The following CDH4 variants were observed in gnomAD, a reference collection of about 807,000 sequenced individuals.
The protein encoded by CDH4 is cadherin 4, also known as cadherin-4.
A neutral mutation model predicts 86.0 loss-of-function variants in CDH4; 33 were observed. The ratio of observed to expected loss-of-function variants is 0.38; its 90% CI spans 0.29 to 0.51. CDH4 has a LOEUF of 0.51. Ranked by LOEUF, CDH4 falls within the 20% of genes least tolerant of loss-of-function variation. The pLI, the probability that CDH4 is intolerant of heterozygous loss-of-function variation, is 0.86. For synonymous variants in CDH4, 555 were observed against 549.4 expected (o/e 1.01, Z -0.14); for missense variants, 1,114 against 1,307.4 (o/e 0.85, Z 2.28).
intron 2 of CDH4, among the ~76,000 whole-genome samples, chr20:61,301,726 C>G (rs2084387292): frequency 6.6e-6 from 1 of 152,136 alleles, no homozygotes; most frequent in African/African-American, 2.4e-5. Flanking sequence ...AGTGGGGAGA[C>G]AGGAAGCCTG....
chr20:61,624,480 C>T (rs1481504576), intron 2 of CDH4, among the ~76,000 whole-genome samples: 1 of 152,188 alleles, frequency 6.6e-6, no homozygotes, highest in Non-Finnish European at 1.5e-5. Flanking sequence ...GGCTTTCTCC[C>T]TTCCCCAGCT....
chr20:61,382,893 A>G (rs979975998), intron 2 of CDH4, among the ~76,000 whole-genome samples: 12 of 151,880 alleles, frequency 7.9e-5, no homozygotes, highest in East Asian at 3.9e-4. Context: ...TTTCCAAATA[A>G]GCTCACATTT....
intron 4 of CDH4, among the ~76,000 whole-genome samples, chr20:61,786,432 T>G (rs1425504926): frequency 6.6e-6 from 1 of 152,114 alleles, no homozygotes; most frequent in Non-Finnish European, 1.5e-5. Context: ...CAGAGGGATG[T>G]GAAGAAAGCA....
In CDH4 at chr20:61,392,345, C is replaced by T. The variant is rs2084991283; in HGVS notation, c.169+137408C>T. 6.6e-6 allele frequency among the ~76,000 whole-genome samples: 1 copy of T among 152,152 alleles called. No individual in the cohort carries two copies. Among genetic ancestry groups the T allele is most frequent in the Admixed American group, 6.5e-5 (1 of 15,276 alleles). On this transcript the variant is annotated intron_variant, in intron 2 of 15. Coordinates refer to ENST00000614565, the MANE Select transcript of CDH4 (RefSeq NM_001794.5). The surrounding 1 kb of genome is among the most constrained non-coding windows in gnomAD (Gnocchi z 5.7). ...GGAAGCAGAGGCTCCCCTGCGATTC[C>T]GCTCGGAGTCCCACGCTGCTCAGTA...
intron 2 of CDH4, among the ~76,000 whole-genome samples, chr20:61,558,945 C>A (rs907177735): frequency 6.6e-6 from 1 of 152,232 alleles, no homozygotes; most frequent in Non-Finnish European, 1.5e-5. Flanking sequence ...TGATGAATCA[C>A]CAGCTGTGCT....
intron 2 of CDH4, among the ~76,000 whole-genome samples, chr20:61,498,405 G>C (rs114156306): frequency 1.3e-5 from 2 of 152,190 alleles, no homozygotes; most frequent in African/African-American, 4.8e-5. Context: ...TAGTGTAATC[G>C]ATAATGCTAT....
chr20:61,505,131 G>A (rs114227773), intron 2 of CDH4, among the ~76,000 whole-genome samples: 121 of 152,272 alleles, frequency 7.9e-4, no homozygotes, highest in African/African-American at 2.4e-3. Flanking sequence ...GAAGGGAGGT[G>A]GGTGACGCAA....
intron 2 of CDH4, among the ~76,000 whole-genome samples, chr20:61,547,367 T>C (rs1373495850): frequency 1.3e-5 from 2 of 151,800 alleles, no homozygotes; most frequent in African/African-American, 4.8e-5. Flanking sequence ...CACCTGCCAC[T>C]GCGCCCGGCT....
intron 2 of CDH4, among the ~76,000 whole-genome samples, chr20:61,449,226 A>G (rs1167194864): frequency 6.6e-6 from 1 of 151,760 alleles, no homozygotes; most frequent in East Asian, 1.9e-4. Context: ...GGCCCACAGC[A>G]TGGTGCATTT....
intron 6 of CDH4, 90 bp from the exon 7 acceptor site, chr20:61,873,638 T>G: frequency 7.2e-7 from 1 of 1,396,674 alleles, no homozygotes; most frequent in South Asian, 1.3e-5. Flanking sequence ...CACGGAGAGC[T>G]CTGTGGTCGG....
At chr20:61,874,955 T>C (rs75292181) in intron 7 of CDH4, among the ~76,000 whole-genome samples, 44,624 of 152,046 alleles carry the variant, frequency 0.29, 7,914 homozygotes, top group Non-Finnish European at 0.4. Flanking sequence ...TGCTCCAAGT[T>C]GGCGGCTTCT....
intron 4 of CDH4, among the ~76,000 whole-genome samples, chr20:61,797,852 A>G (rs1942985533): frequency 6.6e-6 from 1 of 152,198 alleles, no homozygotes; most frequent in Non-Finnish European, 1.5e-5. Flanking sequence ...GGAGAAGCCC[A>G]GGCGGAGAGA....
chr20:61,689,626 G>T (rs2087629096), intron 2 of CDH4, among the ~76,000 whole-genome samples: 1 of 148,116 alleles, frequency 6.8e-6, no homozygotes, highest in Non-Finnish European at 1.5e-5. Context: ...ATCAGGCTGG[G>T]ACAGTGGTTG....
intron 2 of CDH4, among the ~76,000 whole-genome samples, chr20:61,653,986 G>T (rs1252813029): frequency 6.6e-6 from 1 of 151,538 alleles, no homozygotes; most frequent in Admixed American, 6.6e-5. Flanking sequence ...GACGAAGGGC[G>T]GCCAGGCAGA....
intron 6 of CDH4, among the ~76,000 whole-genome samples, chr20:61,870,316 G>A (rs1164722478): frequency 1.3e-5 from 2 of 152,248 alleles, no homozygotes; most frequent in Non-Finnish European, 2.9e-5. Context: ...GCTGGGCACA[G>A]GGTGGGGACC....
chr20:61,616,866 A>G (rs1399216841), intron 2 of CDH4, among the ~76,000 whole-genome samples: 1 of 152,182 alleles, frequency 6.6e-6, no homozygotes, highest in Non-Finnish European at 1.5e-5. Context: ...AGACCTGGTC[A>G]GGGTCCCCGC....
intron 2 of CDH4, among the ~76,000 whole-genome samples, chr20:61,633,451 A>G (rs942440079): frequency 2.6e-5 from 4 of 151,670 alleles, no homozygotes; most frequent in African/African-American, 9.7e-5. Flanking sequence ...TCATCCATCT[A>G]TCCATCAGTT....
intron 2 of CDH4, among the ~76,000 whole-genome samples, chr20:61,470,423 G>A (rs999122042): frequency 5.3e-5 from 8 of 151,914 alleles, no homozygotes; most frequent in African/African-American, 1.9e-4. Flanking sequence ...TTTATCTGTT[G>A]TAATCATTTT....
intron 9 of CDH4, among the ~76,000 whole-genome samples, chr20:61,917,956 A>G (rs1019440876): frequency 3.9e-5 from 6 of 152,236 alleles, no homozygotes; most frequent in Non-Finnish European, 7.3e-5. Flanking sequence ...CCCCGGGAAC[A>G]TGAGCCAATA....
Sources: gnomAD v4.1 joint callset for allele counts (sites outside exome capture counted in the v4.1 genomes callset) on GRCh38, gnomAD v4.1.1 for gene constraint, Gnocchi (gnomAD v3.1) non-coding constraint, MANE v1.5 for transcripts, NCBI Gene and HGNC (gene_info 2026-07-23, HGNC 2026-07-21) for gene names.